LRP1B: variants seen among roughly 807,000 people sequenced by gnomAD.
LRP1B encodes the protein low-density lipoprotein receptor-related protein 1B.
In LRP1B, 217 loss-of-function variants were observed where a neutral mutation model predicts 556.6. The observed-to-expected ratio is 0.39, with a 90% CI of 0.35 to 0.44. The LOEUF is 0.44. Among genes scored for constraint, LRP1B ranks in the 20% least tolerant of loss-of-function variants. LRP1B has a pLI of 1.00. For missense variants in LRP1B, 5,053 were observed against 5,620.8 expected (o/e 0.90, Z 3.23); for synonymous variants, 2,047 against 1,865.8 (o/e 1.10, Z -2.50).
chr2:142,009,234 A>C (rs545492748), intron 1 of LRP1B, among the ~76,000 whole-genome samples: 1 of 152,326 alleles, frequency 6.6e-6, no homozygotes, highest in South Asian at 2.1e-4. Flanking sequence ...AGTTATCATA[A>C]TGGCAGAAAC....
chr2:140,254,668 C>T (rs1681599930), intron 86 of LRP1B, among the ~76,000 whole-genome samples: 1 of 152,104 alleles, frequency 6.6e-6, no homozygotes, highest in Non-Finnish European at 1.5e-5. Context: ...ATTCTCCTGC[C>T]TCAGCTCCCT....
intron 21 of LRP1B, among the ~76,000 whole-genome samples, chr2:140,908,319 T>TGCTC (rs1694313771): frequency 6.9e-6 from 1 of 145,934 alleles, no homozygotes; most frequent in African/African-American, 2.5e-5. Context: ...GTCATTGCTC[T>TGCTC]GCTCTCTCTC....
At chr2:140,716,150 AT>A (rs1477871225) in intron 36 of LRP1B, 48 bp from the exon 37 acceptor site, 6 of 1,338,526 alleles carry the variant, frequency 4.5e-6, no homozygotes, top group South Asian at 1.6e-5. Flanking sequence ...GAGAAAAAAA[AT>A]GTATTTGTCA....
chr2:140,466,076 C>A (rs758577939), intron 60 of LRP1B, among the ~76,000 whole-genome samples: 5 of 149,532 alleles, frequency 3.3e-5, no homozygotes, highest in Non-Finnish European at 7.4e-5. Context: ...TAAAATAGTG[C>A]AGGTCGGGGG....
At chr2:141,133,974 C>A (rs1701426299) in intron 7 of LRP1B, among the ~76,000 whole-genome samples, 1 of 151,848 alleles carries the variant, frequency 6.6e-6, no homozygotes, top group South Asian at 2.1e-4. Context: ...TCCTCCCAAA[C>A]ACACATAGAA....
At chr2:142,024,453 C>T (rs1031050014) in intron 1 of LRP1B, among the ~76,000 whole-genome samples, 7 of 152,106 alleles carry the variant, frequency 4.6e-5, no homozygotes, top group Non-Finnish European at 8.8e-5. Context: ...ATGATGGTTC[C>T]TATCCTTTCC....
chr2:141,832,502 C>T (rs1290094587), intron 1 of LRP1B, among the ~76,000 whole-genome samples: 1 of 151,454 alleles, frequency 6.6e-6, no homozygotes, highest in East Asian at 1.9e-4. Flanking sequence ...TAGGCGAGCT[C>T]GAAAAATTTG....
chr2:140,358,797 T>C lies in LRP1B; in HGVS notation c.11257+24A>G, dbSNP rs769124519. On this transcript the variant is annotated intron_variant, in intron 73 of 90. Transcript: ENST00000389484. ...AGAGAACCTCATAGCCATCACTGAA[T>C]TATTTCACATTAAATGCATTTACCA... is the stretch of plus-strand genomic sequence containing the variant. The C allele has an allele frequency of 2.5e-5, 40 of 1,603,874 alleles. 1 individual carries two copies. In the South Asian group the frequency reaches 4.4e-4, roughly 18 times the overall value.
intron 84 of LRP1B, among the ~76,000 whole-genome samples, chr2:140,280,183 C>A (rs1233494387): frequency 6.6e-6 from 1 of 151,786 alleles, no homozygotes; most frequent in Admixed American, 6.6e-5. Flanking sequence ...GATACACAAC[C>A]ACTCAACTCA....
intron 25 of LRP1B, among the ~76,000 whole-genome samples, chr2:140,871,706 G>T (rs1693134500): frequency 6.6e-6 from 1 of 152,012 alleles, no homozygotes; most frequent in Admixed American, 6.6e-5. Context: ...ACATAACAAG[G>T]CCAACATTTT....
rs566593132 is a variant in LRP1B, at chr2:141,769,707, A to G, written c.205+40572T>C. ...AGAAAGGTAAAGTAGATATGTTTTC[A>G]TAGCTGCATAATTGGCATTTCCTAC... On this transcript the variant is annotated intron_variant, in intron 2 of 90. Coordinates refer to ENST00000389484, the MANE Select transcript of LRP1B (RefSeq NM_018557.3). Among the ~76,000 whole-genome samples the G allele has an allele frequency of 3.3e-5, 5 of 152,326 alleles. No individual in the cohort carries two copies. The South Asian group carries it at 8.3e-4, about 25-fold the overall frequency.
intron 20 of LRP1B, among the ~76,000 whole-genome samples, chr2:140,948,384 A>T (rs1695604606): frequency 6.6e-6 from 1 of 152,310 alleles, no homozygotes; most frequent in South Asian, 2.1e-4. Flanking sequence ...AACTTTACAT[A>T]TACTTTTTCT....
intron 43 of LRP1B, among the ~76,000 whole-genome samples, chr2:140,560,686 T>C (rs1224107659): frequency 6.6e-6 from 1 of 152,178 alleles, no homozygotes; most frequent in African/African-American, 2.4e-5. Flanking sequence ...AATTATGATA[T>C]AAATTCTACC....
chr2:142,038,067 TA>T (rs976948706), intron 1 of LRP1B, among the ~76,000 whole-genome samples: 2 of 151,522 alleles, frequency 1.3e-5, no homozygotes, highest in Non-Finnish European at 3.0e-5. Flanking sequence ...AAAATAATAT[TA>T]AAAAAATAAA....
chr2:140,500,850 T>C (rs13422213), intron 55 of LRP1B, among the ~76,000 whole-genome samples: 40,177 of 151,684 alleles, frequency 0.26, 5,693 homozygotes, highest in African/African-American at 0.3. Flanking sequence ...AGAACAAAAT[T>C]TAAACCCTGT....
chr2:141,483,919 T>TTGG (rs1467500682), intron 2 of LRP1B, among the ~76,000 whole-genome samples: 1 of 151,158 alleles, frequency 6.6e-6, no homozygotes, highest in Non-Finnish European at 1.5e-5. Context: ...AGGTTGCCTG[T>TTGG]TCACTCTGAT....
At chr2:141,199,192 CA>C (rs1681890708) in intron 6 of LRP1B, among the ~76,000 whole-genome samples, 1 of 152,150 alleles carries the variant, frequency 6.6e-6, no homozygotes, top group Non-Finnish European at 1.5e-5. Context: ...TACTGTCCCG[CA>C]CAAATGCTTT....
intron 3 of LRP1B, among the ~76,000 whole-genome samples, chr2:141,319,306 TG>T (rs67615383): frequency 0.36 from 34,132 of 94,308 alleles, 6,644 homozygotes; most frequent in East Asian, 0.57. Flanking sequence ...AGTGTTTTTT[TG>T]TTGTTTTTTT....
chr2:140,987,164 G>A lies in LRP1B; in HGVS notation c.2770+2368C>T, dbSNP rs567666570. Among the ~76,000 whole-genome samples the A allele has an allele frequency of 9.9e-5, 15 of 152,152 alleles. No individual in the cohort carries two copies. The East Asian group carries it at 1.9e-3, about 20-fold the overall frequency. On this transcript the variant is annotated intron_variant, in intron 17 of 90. Coordinates refer to ENST00000389484, the MANE Select transcript of LRP1B (RefSeq NM_018557.3). ...TACTTCATTGCTTACAAAGCAAAAG[G>A]CATGTTTATTTTTCTTTGTTCTTTT...
Sources: allele counts gnomAD v4.1 joint callset (sites outside exome capture counted in the v4.1 genomes callset), GRCh38; gene constraint gnomAD v4.1.1; transcripts MANE v1.5; gene names NCBI Gene and HGNC (gene_info 2026-07-23, HGNC 2026-07-21).